Variants in MMEL1 observed in about 807,000 individuals in gnomAD.
MMEL1 encodes the protein membrane metalloendopeptidase like 1.
Under a neutral mutation model 117.1 loss-of-function variants are expected in MMEL1, and 98 were observed. The ratio of observed to expected loss-of-function variants is 0.84; its 90% confidence interval spans 0.71 to 0.99. MMEL1 has a LOEUF of 0.99. MMEL1 is among the 50% of genes least tolerant of loss of function. The pLI, the probability that MMEL1 is intolerant of heterozygous loss-of-function variation, is 0.00. For synonymous variants in MMEL1, 390 were observed against 415.1 expected, an observed-to-expected ratio of 0.94 and a Z score of 0.74; for missense variants, 1,014 against 1,049.1, an observed-to-expected ratio of 0.97 and a Z score of 0.46.
rs552771995 is a variant in MMEL1, at chr1:2,627,834, C to T, written c.154+1497G>A. Among the ~76,000 whole-genome samples the T allele has an allele frequency of 3.9e-5, 6 of 152,190 alleles. No homozygotes were observed. In the South Asian group the frequency reaches 1.0e-3, roughly 26 times the overall value. ...GGTCATTCCTGGTGGGGGGTCTTGA[C>T]GGGGAACAGAGGGCTCTGCCGCCCT... is the stretch of plus-strand genomic sequence containing the variant. On this transcript the variant is annotated intron_variant, in intron 2 of 23. Coordinates refer to ENST00000378412, the MANE Select transcript of MMEL1 (RefSeq NM_033467.4).
chr1:2,594,269 G>T, intron 18 of MMEL1, 116 bp downstream of exon 18: 1 of 1,152,886 alleles, frequency 8.7e-7, no homozygotes, highest in Non-Finnish European at 1.3e-6. Flanking sequence ...ATAGGAGAAT[G>T]TTCCAAGAAC....
At position 2,607,067 on chromosome 1, in the gene MMEL1, C is replaced by T. The variant is rs768501690; in HGVS notation, c.538G>A (p.Val180Met). ...GGCTGAGAGCCTCGCTTCTCTATCA[C>T]ACCTGAGAAGGGACGCAGTGGTCAC... Reference protein sequence around the residue: ...TLYRSCMNQSVIEKRGSQPLL... With the variant: ...TLYRSCMNQSMIEKRGSQPLL... Residue 180 changes from valine (V) to methionine (M), a missense_variant and splice_region_variant, in exon 7 of 24, where the codon GTG becomes ATG. Physicochemically the swap from Val to Met is conservative, Grantham distance 21. Coordinates refer to ENST00000378412, the MANE Select transcript of MMEL1 (RefSeq NM_033467.4). 6.2e-7 allele frequency: 1 copy of T among 1,611,880 alleles called. No individual in the cohort carries two copies. Among genetic ancestry groups the T allele is most frequent in the South Asian group, 1.1e-5 (1 of 91,076 alleles).
At position 2,612,780 on chromosome 1, in the gene MMEL1, T is replaced by A. The variant is rs1229983583; in HGVS notation, c.155-576A>T. ...CTGCCTGGTCAGCATCGGGGGCTCCTGGGATGGCTGTCAACTGCCTGGAGA... is the reference window on the plus strand; with the variant it reads ...CTGCCTGGTCAGCATCGGGGGCTCCAGGGATGGCTGTCAACTGCCTGGAGA... On this transcript the variant is annotated intron_variant, in intron 2 of 23. Transcript: ENST00000378412. This position sits in a 1 kb window ranked among gnomAD's most constrained non-coding sequence, Gnocchi z 5.4. Among the ~76,000 whole-genome samples, 1 of 152,062 alleles carries A rather than the reference T, an allele frequency of 6.6e-6. No individual in the cohort carries two copies. The highest frequency in any genetic ancestry group is 1.5e-5 in the Non-Finnish European group (1 of 67,982).
chr1:2,591,922 C>G lies in MMEL1; in HGVS notation c.2163+10G>C, dbSNP rs148615446. Reference sequence around the variant, plus strand: ...CATGGGGATGGTGGGACCAGGACTGCGGCTGCCACCTGGGCATAGTTGATG... The same window carrying G: ...CATGGGGATGGTGGGACCAGGACTGGGGCTGCCACCTGGGCATAGTTGATG... On this transcript the variant is annotated intron_variant, in intron 22 of 23. Coordinates refer to ENST00000378412, the MANE Select transcript of MMEL1 (RefSeq NM_033467.4). 6 of 1,610,918 alleles carry G rather than the reference C, an allele frequency of 3.7e-6. No individual in the cohort carries two copies. Among genetic ancestry groups the G allele is most frequent in the South Asian group, 3.3e-5 (3 of 91,022 alleles).
At chr1:2,614,734 T>C (rs1014671879) in intron 2 of MMEL1, among the ~76,000 whole-genome samples, 18 of 151,972 alleles carry the variant, frequency 1.2e-4, no homozygotes, top group African/African-American at 4.4e-4. Flanking sequence ...TGGTTTCTGT[T>C]TGTTTTTCAG....
chr1:2,593,836 G>C lies in MMEL1; in HGVS notation c.1845C>G (p.Ile615Met), dbSNP rs1345307533. Residue 615 changes from isoleucine (I) to methionine (M), a missense_variant, in exon 19 of 24, where the codon ATC (isoleucine) becomes ATG (methionine). By Grantham distance (10) the Ile-to-Met change is conservative (BLOSUM62 1). Transcript: ENST00000378412. Reference protein sequence around the residue: ...GGIGMVIGHEITHGFDDNGRN... With the variant: ...GGIGMVIGHEMTHGFDDNGRN... ...CACCATTGTCGTCAAAGCCGTGCGTGATCTCGTGCCCGATCACCATCCCAA... is the reference window on the plus strand; with the variant it reads ...CACCATTGTCGTCAAAGCCGTGCGTCATCTCGTGCCCGATCACCATCCCAA... The C allele has an allele frequency of 1.2e-6, 2 of 1,610,998 alleles. No individual in the cohort carries two copies. Among genetic ancestry groups the C allele is most frequent in the Admixed American group, 3.3e-5 (2 of 59,728 alleles).
At chr1:2,620,920 T>C (rs1645280043) in intron 2 of MMEL1, among the ~76,000 whole-genome samples, 1 of 151,952 alleles carries the variant, frequency 6.6e-6, no homozygotes, top group African/African-American at 2.4e-5. Flanking sequence ...TGATGGGAAG[T>C]GGGGGTTGGA....
chr1:2,598,264 C>T lies in MMEL1; in HGVS notation c.1215G>A (p.Leu405=). ...TCTGGCTTAGGCTACCAATGCGGTC[C>T]AGCACCAGGCGCCAGACCAGGTAGT... ...IQNYLVWRLV[L]DRIGSLSQRF... The change falls in exon 13 of 24, where the codon CTG becomes CTA. Residue 405 remains leucine, a synonymous_variant. Transcript: ENST00000378412. 1.2e-6 allele frequency: 2 copies of T among 1,614,138 alleles called. No individual in the cohort carries two copies. Among genetic ancestry groups the T allele is most frequent in the East Asian group, 2.2e-5 (1 of 44,886 alleles).
At chr1:2,597,889 G>C (rs992135774) in intron 13 of MMEL1, among the ~76,000 whole-genome samples, 1 of 152,216 alleles carries the variant, frequency 6.6e-6, no homozygotes, top group African/African-American at 2.4e-5. Context: ...CACTGGCACT[G>C]GCTGTTTCTG....
intron 11 of MMEL1, among the ~76,000 whole-genome samples, chr1:2,603,330 C>T (rs919282836): frequency 6.6e-6 from 1 of 152,224 alleles, no homozygotes; most frequent in African/African-American, 2.4e-5. Context: ...CCAGCTGCTC[C>T]AGCAGGGTGA....
rs1427276315 is a variant in MMEL1 at position 2,591,936 on chromosome 1, G to A, written c.2159C>T (p.Ala720Val). Residue 720 changes from alanine to valine, a missense_variant, in exon 22 of 24, where the codon GCC becomes GTC. By Grantham distance (64) the Ala-to-Val change is moderately conservative. Transcript: ENST00000378412. ...THEQLFFINY[A>V]QVWCGSYRPE... ...GACCAGGACTGCGGCTGCCACCTGG[G>A]CATAGTTGATGAAGAAGAGCTGCTC... 2 of 1,613,166 alleles carry A rather than the reference G, an allele frequency of 1.2e-6. No homozygotes were observed. The highest frequency in any genetic ancestry group is 2.7e-5 in the African/African-American group (2 of 75,040).
chr1:2,608,613 AAC>A (rs1284500641), intron 6 of MMEL1, among the ~76,000 whole-genome samples: 14 of 152,002 alleles, frequency 9.2e-5, no homozygotes, highest in South Asian at 2.1e-4. Context: ...ATATACACAT[AAC>A]ACACACATAC....
intron 1 of MMEL1, among the ~76,000 whole-genome samples, chr1:2,631,386 C>G (rs572130079): frequency 1.3e-5 from 2 of 152,152 alleles, no homozygotes; most frequent in South Asian, 2.1e-4. Flanking sequence ...CTTCCGCCCC[C>G]CTGTACCCCA....
chr1:2,607,202 C>T lies in MMEL1; in HGVS notation c.536-133G>A, dbSNP rs1645043626. 1.4e-5 allele frequency: 10 copies of T among 710,926 alleles called. No individual in the cohort carries two copies. In the South Asian group the frequency reaches 1.5e-4, roughly 11 times the overall value. The allele number at this position is 710,926 out of a possible 1,614,324, so 44.0% of individuals were successfully genotyped here. On this transcript the variant is annotated intron_variant, in intron 6 of 23. Transcript: ENST00000378412. ...TGCAGTGCTCCGCGAGAGGCGGCCTCCCAGCCTCTGGGCCTTTACACCTGC... is the reference window on the plus strand; with the variant it reads ...TGCAGTGCTCCGCGAGAGGCGGCCTTCCAGCCTCTGGGCCTTTACACCTGC...
chr1:2,604,135 C>CCCCCCCCCAAACATT lies in MMEL1; in HGVS notation c.951+11_951+12insAATGTTTGGGGGGGG. ...CTCGCTGCCCGCTCCCCACCCGCCC[C>CCCCCCCCCAAACATT]GGCCCCCTTACCTTGGCCAGCTGTG... On this transcript the variant is annotated intron_variant, in intron 10 of 23. Coordinates refer to ENST00000378412, the MANE Select transcript of MMEL1 (RefSeq NM_033467.4). 1 of 1,520,162 alleles carries CCCCCCCCCAAACATT rather than the reference C, an allele frequency of 6.6e-7. No individual in the cohort carries two copies. The highest frequency in any genetic ancestry group is 9.1e-7 in the Non-Finnish European group (1 of 1,100,354). The allele number at this position is 1,520,162 out of a possible 1,614,324, so 94.2% of individuals were successfully genotyped here.
At chr1:2,594,223 G>A (rs545751867) in intron 18 of MMEL1, 162 bp downstream of exon 18, 2 of 883,092 alleles carry the variant, frequency 2.3e-6, no homozygotes, top group East Asian at 2.6e-5. Flanking sequence ...ATGGGCACGG[G>A]AGTGAGTGTT....
rs1174692542 is a variant in MMEL1 at position 2,595,501 on chromosome 1, TGG to T, written c.1501-144_1501-143del. ...CTCTCCCTGTCCTGTGGTGAGGGGCTGGGGGGCTCCGGGATCTGGCCCCCACC... is the reference window on the plus strand; with the variant it reads ...CTCTCCCTGTCCTGTGGTGAGGGGCTGGGGCTCCGGGATCTGGCCCCCACC... On this transcript the variant is annotated intron_variant, in intron 15 of 23. Transcript: ENST00000378412. This position sits in a 1 kb window ranked among gnomAD's most constrained non-coding sequence, Gnocchi z 4.8. 4 of 693,754 alleles carry T rather than the reference TGG, an allele frequency of 5.8e-6. No homozygotes were observed. The highest frequency in any genetic ancestry group is 1.0e-5 in the Non-Finnish European group (4 of 396,132). 43.0% of individuals were successfully genotyped at this position (693,754 alleles called of 1,614,324 possible). A position where few individuals can be genotyped will look rare whatever the true frequency, so the allele number is the denominator to read the frequency against.
chr1:2,609,293 C>T (rs745330567), intron 6 of MMEL1, 46 bp downstream of exon 6: 33 of 1,564,718 alleles, frequency 2.1e-5, no homozygotes, highest in South Asian at 4.6e-5. Context: ...AGGGGCAGCC[C>T]GCCCCCGTCC....
At position 2,595,241 on chromosome 1, in the gene MMEL1, T is replaced by G. The variant is rs763175447; in HGVS notation, c.1584+35A>C. The G allele has an allele frequency of 2.5e-6, 4 of 1,579,322 alleles. No individual in the cohort carries two copies. Among genetic ancestry groups the G allele is most frequent in the Non-Finnish European group, 3.5e-6 (4 of 1,150,390 alleles). On this transcript the variant is annotated intron_variant, in intron 16 of 23. Transcript: ENST00000378412. This position sits in a 1 kb window ranked among gnomAD's most constrained non-coding sequence, Gnocchi z 4.8. The stretch of plus-strand genomic sequence containing the variant: ...GCAATCAGGGCCCATGTCCACGGTG[T>G]GGGGGGCAGTTTAGGGCTGGGGTTG...
Sources: allele counts gnomAD v4.1 joint callset (sites outside exome capture counted in the v4.1 genomes callset), GRCh38; gene constraint gnomAD v4.1.1; non-coding constraint Gnocchi (gnomAD v3.1); transcripts MANE v1.5; gene names NCBI Gene and HGNC (gene_info 2026-07-23, HGNC 2026-07-21).